Variants in PPP2R5C observed in about 807,000 individuals in gnomAD.
The protein encoded by PPP2R5C is protein phosphatase 2 regulatory subunit B'gamma.
PPP2R5C carries 7 observed loss-of-function variants against 68.9 expected under a neutral mutation model. The ratio of observed to expected loss-of-function variants is 0.10; its 90% CI spans 0.06 to 0.19. The LOEUF is 0.19. Among genes scored for constraint, PPP2R5C ranks in the 10% least tolerant of loss-of-function variants. The pLI is 1.00. For synonymous variants in PPP2R5C, 210 were observed against 222.2 expected, an observed-to-expected ratio of 0.95 and a Z score of 0.49; for missense variants, 348 against 641.3, an observed-to-expected ratio of 0.54 and a Z score of 4.94.
At chr14:101,789,421 AG>A (rs1461278362) in intron 3 of PPP2R5C, among the ~76,000 whole-genome samples, 16 of 152,228 alleles carry the variant, frequency 1.1e-4, no homozygotes, top group African/African-American at 3.9e-4. Flanking sequence ...GCGCCATGCC[AG>A]TGCATGCTGG....
chr14:101,867,468 T>C (rs2043148079), intron 2 of PPP2R5C, among the ~76,000 whole-genome samples: 2 of 151,856 alleles, frequency 1.3e-5, no homozygotes, highest in Admixed American at 6.6e-5. Context: ...AGTAAAGATA[T>C]TTTTCTTTCT....
intron 2 of PPP2R5C, among the ~76,000 whole-genome samples, chr14:101,780,039 CCTCCTCCATATGCATGGCCCT>C (rs1413543639): frequency 1.3e-5 from 2 of 152,184 alleles, no homozygotes; most frequent in African/African-American, 4.8e-5. Context: ...ATCCAGGCCT[CCTCCTCCATATGCATGGCCCT>C]CTCTTCACAC....
At chr14:101,907,585 G>A (rs987252781) in intron 10 of PPP2R5C, among the ~76,000 whole-genome samples, 1 of 152,060 alleles carries the variant, frequency 6.6e-6, no homozygotes, top group Non-Finnish European at 1.5e-5. Flanking sequence ...TTATAACTCA[G>A]AACTTAAAGA....
rs916901799 is a variant in PPP2R5C at position 101,847,893 on chromosome 14, C to T, written c.95-8793C>T. On this transcript the variant is annotated intron_variant, in intron 1 of 13. Transcript: ENST00000334743. The stretch of plus-strand genomic sequence containing the variant: ...GGCCAGGATGGTCTCAATCTCTTGA[C>T]TTCATGATCTGCCCTCCTCGGCCTT... 7.9e-5 allele frequency among the ~76,000 whole-genome samples: 12 copies of T among 152,256 alleles called. No individual in the cohort carries two copies. The East Asian group carries it at 2.3e-3, about 29-fold the overall frequency.
At chr14:101,810,983 A>T (rs1348721666) in intron 1 of PPP2R5C, among the ~76,000 whole-genome samples, 1 of 152,208 alleles carries the variant, frequency 6.6e-6, no homozygotes, top group African/African-American at 2.4e-5. Flanking sequence ...CTGTGCCCCA[A>T]CAAAACTGTT....
rs775548013 is a variant in PPP2R5C at position 101,906,385 on chromosome 14, C to T, written c.1024-17C>T. On this transcript the variant is annotated splice_polypyrimidine_tract_variant and intron_variant, in intron 9 of 13. Transcript: ENST00000334743. The surrounding 1 kb of genome is among the most constrained non-coding windows in gnomAD (Gnocchi z 4.0). Reference sequence around the variant, plus strand: ...TCAGGCACAACCTCCAGCAAGCCATCCACTTGTGTCTTTCAGGTGGCAGAG... The same window carrying T: ...TCAGGCACAACCTCCAGCAAGCCATTCACTTGTGTCTTTCAGGTGGCAGAG... The T allele has an allele frequency of 2.5e-6, 4 of 1,578,544 alleles. No individual in the cohort carries two copies. The highest frequency in any genetic ancestry group is 1.9e-5 in the Admixed American group (1 of 53,892).
intron 2 of PPP2R5C, chr14:101,766,573 A>G (rs1397664959): frequency 6.6e-6 from 1 of 152,156 alleles, no homozygotes; most frequent in Non-Finnish European, 1.5e-5. Context: ...AGAAACTTCT[A>G]CTCCTTGAAT....
chr14:101,903,567 G>A (rs1031967430), intron 9 of PPP2R5C, among the ~76,000 whole-genome samples: 2 of 152,172 alleles, frequency 1.3e-5, no homozygotes, highest in South Asian at 2.1e-4. Context: ...TGTCCCCCAC[G>A]CACGCTTGCG....
rs547064723 is a variant in PPP2R5C, at chr14:101,843,460, C to T, written c.95-13226C>T. 21 of 201,136 alleles carry T rather than the reference C, an allele frequency of 1.0e-4. 1 individual carries two copies. The South Asian group carries it at 1.6e-3, about 15-fold the overall frequency. The allele number at this position is 201,136 out of a possible 1,614,324, so 12.5% of individuals were successfully genotyped here. On this transcript the variant is annotated intron_variant, in intron 1 of 13. Coordinates refer to ENST00000334743, the Ensembl canonical transcript of PPP2R5C. ...TAGTCAGTCATCCAGAAGCCATTCA[C>T]ATAATTGATTTTCTTGGCTTCCACT...
chr14:101,775,762 A>C (rs556450550), intron 2 of PPP2R5C, among the ~76,000 whole-genome samples: 37 of 152,232 alleles, frequency 2.4e-4, no homozygotes, highest in East Asian at 1.5e-3. Context: ...CATAATTTCA[A>C]GGCCCTTCTG....
intron 1 of PPP2R5C, among the ~76,000 whole-genome samples, chr14:101,826,969 C>CTTTTTTTTTTT (rs1030539072): frequency 3.1e-5 from 3 of 95,860 alleles, no homozygotes; most frequent in African/African-American, 4.3e-5. Context: ...AAATGTTTAA[C>CTTTTTTTTTTT]TTTTTTTTTT....
intron 1 of PPP2R5C, among the ~76,000 whole-genome samples, chr14:101,812,779 A>T (rs917828747): frequency 7.2e-5 from 11 of 152,236 alleles, no homozygotes; most frequent in African/African-American, 2.4e-4. Flanking sequence ...AGCAGGGGCT[A>T]TGGCCCAGCT....
intron 2 of PPP2R5C, among the ~76,000 whole-genome samples, chr14:101,872,573 G>A (rs1340159155): frequency 1.3e-5 from 2 of 152,066 alleles, no homozygotes; most frequent in Non-Finnish European, 2.9e-5. Context: ...ATAGAATTCC[G>A]TGTCGACCGT....
chr14:101,852,491 CAG>C (rs1205745982), intron 1 of PPP2R5C, among the ~76,000 whole-genome samples: 4 of 106,710 alleles, frequency 3.7e-5, no homozygotes, highest in Admixed American at 1.3e-4. Flanking sequence ...TTTTTTGAGA[CAG>C]AGTCTTGCTC....
At chr14:101,896,800 A>G (rs992002576) in intron 8 of PPP2R5C, among the ~76,000 whole-genome samples, 7 of 152,272 alleles carry the variant, frequency 4.6e-5, no homozygotes, top group South Asian at 2.1e-4. Flanking sequence ...AGTCACTGTT[A>G]GACTAGAAAA....
At chr14:101,875,519 G>T (rs1401556094) in intron 2 of PPP2R5C, among the ~76,000 whole-genome samples, 4 of 152,184 alleles carry the variant, frequency 2.6e-5, no homozygotes, top group African/African-American at 9.7e-5. Flanking sequence ...ACTGATGCGT[G>T]CTTTTCCCAG....
intron 1 of PPP2R5C, among the ~76,000 whole-genome samples, chr14:101,814,800 T>C (rs2039562297): frequency 1.3e-5 from 2 of 152,198 alleles, no homozygotes; most frequent in African/African-American, 2.4e-5. Flanking sequence ...TCAAATAAAA[T>C]TGCGAGGTGG....
In PPP2R5C at chr14:101,879,588, G is replaced by A. The variant is rs1035998737; in HGVS notation, c.295-2573G>A. Among the ~76,000 whole-genome samples, 5 of 152,086 alleles carry A rather than the reference G, an allele frequency of 3.3e-5. No individual in the cohort carries two copies. Among genetic ancestry groups the A allele is most frequent in the African/African-American group, 1.2e-4 (5 of 41,402 alleles). ...CAGATTCCTCTGCCACCCAGAGTTC[G>A]TGCCCAGGCTCTGCCCTCCCCACAC... On this transcript the variant is annotated intron_variant, in intron 2 of 13. Transcript: ENST00000334743. This position sits in a 1 kb window ranked among gnomAD's most constrained non-coding sequence, Gnocchi z 4.2.
chr14:101,784,979 G>C (rs1042500063), intron 2 of PPP2R5C, among the ~76,000 whole-genome samples: 1 of 152,184 alleles, frequency 6.6e-6, no homozygotes, highest in Non-Finnish European at 1.5e-5. Flanking sequence ...GGGACCCCTG[G>C]TTCCTCTGCT....
Sources: gnomAD v4.1 joint callset for allele counts (sites outside exome capture counted in the v4.1 genomes callset) on GRCh38, gnomAD v4.1.1 for gene constraint, Gnocchi (gnomAD v3.1) non-coding constraint, MANE v1.5 for transcripts, NCBI Gene and HGNC (gene_info 2026-07-23, HGNC 2026-07-21) for gene names.